The following ZFHX3 variants were observed in gnomAD, a reference collection of about 807,000 sequenced individuals.
The protein encoded by ZFHX3 is zinc finger homeobox protein 3.
ZFHX3 carries 42 observed loss-of-function variants against 279.1 expected under a neutral mutation model. The observed-to-expected ratio is 0.15, with a 90% CI of 0.12 to 0.19. The LOEUF (loss-of-function observed/expected upper bound fraction) is 0.19. Ranked by LOEUF, ZFHX3 falls within the 10% of genes least tolerant of loss-of-function variation. The pLI is 1.00. For missense variants in ZFHX3, 4,981 were observed against 4,754.0 expected (o/e 1.05, Z -1.40); for synonymous variants, 2,293 against 1,957.8 (o/e 1.17, Z -4.52).
intron 5 of ZFHX3, among the ~76,000 whole-genome samples, chr16:73,254,089 C>G (rs1250281968): frequency 6.6e-6 from 1 of 152,124 alleles, no homozygotes; most frequent in East Asian, 1.9e-4. Context: ...CAGGTAATGA[C>G]TGAGAACAGT....
chr16:73,044,599 AGTGT>A (rs1484054906), intron 1 of ZFHX3, among the ~76,000 whole-genome samples: 1 of 89,928 alleles, frequency 1.1e-5, no homozygotes, highest in African/African-American at 5.3e-5. Context: ...TTAAAAGGTG[AGTGT>A]TTGTTTGTTT....
At chr16:73,531,706 C>T (rs2019805854) in intron 2 of ZFHX3, among the ~76,000 whole-genome samples, 2 of 120,770 alleles carry the variant, frequency 1.7e-5, no homozygotes, top group Admixed American at 9.6e-5. Context: ...CAGACCAAAA[C>T]CCTGTCTCAA....
rs970045737 is a variant in ZFHX3, at chr16:72,941,039, C to G, written c.3216+9430G>C. Reference sequence around the variant, plus strand: ...ATGGTCTACATATAAGTAACCAGTGCAGGAGGAGACCAAGAAGGCCTGGAG... The same window carrying G: ...ATGGTCTACATATAAGTAACCAGTGGAGGAGGAGACCAAGAAGGCCTGGAG... On this transcript the variant is annotated intron_variant, in intron 3 of 9. Transcript: ENST00000268489. Among the ~76,000 whole-genome samples, 4 of 152,338 alleles carry G rather than the reference C, an allele frequency of 2.6e-5. No individual in the cohort carries two copies. In the East Asian group the frequency reaches 5.8e-4, roughly 22 times the overall value.
chr16:73,389,817 T>C (rs1181938049), intron 3 of ZFHX3, among the ~76,000 whole-genome samples: 1 of 152,204 alleles, frequency 6.6e-6, no homozygotes, highest in East Asian at 1.9e-4. Context: ...CCCAACGCTT[T>C]GGGAGGCAGA....
chr16:73,784,557 G>A (rs534546563), intron 1 of ZFHX3, among the ~76,000 whole-genome samples: 19 of 151,936 alleles, frequency 1.3e-4, no homozygotes, highest in South Asian at 1.2e-3. Context: ...GACAATCCTG[G>A]CCAACATGGT....
intron 2 of ZFHX3, among the ~76,000 whole-genome samples, chr16:73,564,174 T>C (rs1299188469): frequency 6.6e-6 from 1 of 152,146 alleles, no homozygotes; most frequent in Non-Finnish European, 1.5e-5. Context: ...ACATTTGACC[T>C]CTGGGTTTGG....
intron 5 of ZFHX3, among the ~76,000 whole-genome samples, chr16:73,195,499 A>G (rs1597214238): frequency 6.9e-6 from 1 of 144,950 alleles, no homozygotes; most frequent in African/African-American, 2.6e-5. Flanking sequence ...GCTCACTACA[A>G]CCTCCGCCAC....
intron 5 of ZFHX3, among the ~76,000 whole-genome samples, chr16:73,180,668 G>GTT (rs549767580): frequency 6.9e-6 from 1 of 145,540 alleles, no homozygotes; most frequent in African/African-American, 2.5e-5. Context: ...TTCTGCTGCT[G>GTT]TTTTTTTTTT....
chr16:73,783,542 A>G (rs932308612), intron 1 of ZFHX3, among the ~76,000 whole-genome samples: 2 of 152,210 alleles, frequency 1.3e-5, no homozygotes, highest in African/African-American at 4.8e-5. Flanking sequence ...AAAACCCCAG[A>G]GGGAAAGTTG....
intron 3 of ZFHX3, among the ~76,000 whole-genome samples, chr16:72,948,080 T>C (rs1386456464): frequency 6.6e-6 from 1 of 152,166 alleles, no homozygotes; most frequent in Non-Finnish European, 1.5e-5. Context: ...GGGCGAGCAC[T>C]GGAATGACAA....
chr16:73,537,044 C>T (rs1395448118), intron 2 of ZFHX3, among the ~76,000 whole-genome samples: 1 of 152,116 alleles, frequency 6.6e-6, no homozygotes, highest in African/African-American at 2.4e-5. Context: ...CCAAGAGATA[C>T]CAGCAATAAG....
chr16:73,710,514 G>A (rs2142226043), intron 1 of ZFHX3, among the ~76,000 whole-genome samples: 1 of 152,140 alleles, frequency 6.6e-6, no homozygotes, highest in East Asian at 1.9e-4. Flanking sequence ...AGAAGTCGGG[G>A]AGAGGTTGCA....
At chr16:73,351,457 G>A (rs930298855) in intron 3 of ZFHX3, among the ~76,000 whole-genome samples, 5 of 152,180 alleles carry the variant, frequency 3.3e-5, no homozygotes, top group Admixed American at 2.0e-4. Flanking sequence ...GGTCAGCCTG[G>A]GAGAGGGGAC....
At chr16:73,435,525 G>C (rs772757586) in intron 3 of ZFHX3, among the ~76,000 whole-genome samples, 7 of 152,030 alleles carry the variant, frequency 4.6e-5, no homozygotes, top group Non-Finnish European at 8.8e-5. Context: ...CATTCTTTGT[G>C]GTGGGGCTGT....
chr16:73,098,234 A>AT (rs1966190209), intron 7 of ZFHX3, among the ~76,000 whole-genome samples: 5 of 151,688 alleles, frequency 3.3e-5, no homozygotes, highest in Admixed American at 3.3e-4. Flanking sequence ...GACCCAGTTA[A>AT]TTTTTTTGTA....
chr16:72,829,672 G>A (rs987633431), intron 5 of ZFHX3, 107 bp downstream of exon 5: 1 of 1,253,392 alleles, frequency 8.0e-7, no homozygotes, highest in Non-Finnish European at 1.2e-6. Context: ...GACTAAGGAT[G>A]TATCCGCTCC....
At chr16:73,137,744 A>G (rs1222818972) in intron 6 of ZFHX3, among the ~76,000 whole-genome samples, 1 of 152,222 alleles carries the variant, frequency 6.6e-6, no homozygotes, top group African/African-American at 2.4e-5. Context: ...GTATGAAGGA[A>G]GCCAGAGAAA....
intron 5 of ZFHX3, among the ~76,000 whole-genome samples, chr16:73,150,221 C>T (rs577157961): frequency 1.3e-5 from 2 of 152,290 alleles, no homozygotes; most frequent in East Asian, 3.9e-4. Context: ...GACCAAGGTG[C>T]ATAGGGGCTG....
intron 2 of ZFHX3, among the ~76,000 whole-genome samples, chr16:73,629,142 C>G (rs1185399170): frequency 6.6e-6 from 1 of 152,218 alleles, no homozygotes; most frequent in Admixed American, 6.5e-5. Context: ...ATTCCTCCCA[C>G]CTTCCGTGTG....
Sources: gnomAD v4.1 joint callset for allele counts (sites outside exome capture counted in the v4.1 genomes callset) on GRCh38, gnomAD v4.1.1 for gene constraint, MANE v1.5 for transcripts, NCBI Gene and HGNC (gene_info 2026-07-23, HGNC 2026-07-21) for gene names.